Variants in CAMTA1 observed in about 807,000 individuals in gnomAD.
CAMTA1 encodes the protein calmodulin binding transcription activator 1, also known as calmodulin-binding transcription activator 1.
A neutral mutation model predicts 170.9 loss-of-function variants in CAMTA1; 27 were observed. The ratio of observed to expected loss-of-function variants is 0.16; its 90% CI spans 0.12 to 0.22. The LOEUF is 0.22. Among genes scored for constraint, CAMTA1 ranks in the 10% least tolerant of loss-of-function variants. CAMTA1 has a pLI of 1.00. For synonymous variants in CAMTA1, 833 were observed against 891.5 expected (o/e 0.93, Z 1.17); for missense variants, 1,619 against 2,217.2 (o/e 0.73, Z 5.42).
rs1399642872 is a variant in CAMTA1 at position 7,325,023 on chromosome 1, T to C, written c.438+75397T>C. Among the ~76,000 whole-genome samples, 1 of 152,224 alleles carries C rather than the reference T, an allele frequency of 6.6e-6. No homozygotes were observed. Among genetic ancestry groups the C allele is most frequent in the East Asian group, 1.9e-4 (1 of 5,206 alleles). On this transcript the variant is annotated intron_variant, in intron 5 of 22. Transcript: ENST00000303635. The surrounding 1 kb of genome is among the most constrained non-coding windows in gnomAD (Gnocchi z 5.0). ...TGTGAAGACGTTGATTATATCTTGA[T>C]TTTCTATACCCCTCCAAAATAGACA...
At chr1:7,246,257 T>C (rs1665752533) in intron 4 of CAMTA1, among the ~76,000 whole-genome samples, 1 of 152,222 alleles carries the variant, frequency 6.6e-6, no homozygotes, top group Admixed American at 6.5e-5. Flanking sequence ...ATGATAATAA[T>C]ACCTACCTCA....
intron 6 of CAMTA1, among the ~76,000 whole-genome samples, chr1:7,552,468 C>T (rs2094816114): frequency 6.6e-6 from 1 of 152,222 alleles, no homozygotes. Context: ...TGTGAAACAG[C>T]ATTCAGCAGA....
intron 3 of CAMTA1, among the ~76,000 whole-genome samples, chr1:6,858,884 C>G (rs1339136912): frequency 6.6e-6 from 1 of 152,160 alleles, no homozygotes; most frequent in Non-Finnish European, 1.5e-5. Context: ...ACCATTCAGT[C>G]ATAACTGGAA....
chr1:7,403,587 A>G (rs2090071730), intron 5 of CAMTA1, among the ~76,000 whole-genome samples: 1 of 152,114 alleles, frequency 6.6e-6, no homozygotes, highest in Non-Finnish European at 1.5e-5. Flanking sequence ...AGGCACAGGG[A>G]CAACCTGAGT....
At chr1:7,275,136 G>A (rs1201930515) in intron 5 of CAMTA1, among the ~76,000 whole-genome samples, 6 of 89,398 alleles carry the variant, frequency 6.7e-5, no homozygotes, top group African/African-American at 2.9e-4. Flanking sequence ...GACAGAGTGA[G>A]ATTCCATCTC....
At chr1:6,886,981 A>C (rs972398718) in intron 3 of CAMTA1, among the ~76,000 whole-genome samples, 1 of 152,198 alleles carries the variant, frequency 6.6e-6, no homozygotes, top group African/African-American at 2.4e-5. Flanking sequence ...CTTCTAATCT[A>C]TGAAACTGGC....
rs1214926298 is a variant in CAMTA1 at position 7,463,326 on chromosome 1, G to C, written c.439-4504G>C. ...GACACAGAGACAGGGACAGGCAAGG[G>C]AAACAGAGACAGGGAGAGACAGAGA... On this transcript the variant is annotated intron_variant, in intron 5 of 22. Coordinates refer to ENST00000303635, the MANE Select transcript of CAMTA1 (RefSeq NM_015215.4). The surrounding 1 kb of genome is among the most constrained non-coding windows in gnomAD (Gnocchi z 4.7). Among the ~76,000 whole-genome samples the C allele has an allele frequency of 6.6e-6, 1 of 152,180 alleles. No homozygotes were observed. Among genetic ancestry groups the C allele is most frequent in the African/African-American group, 2.4e-5 (1 of 41,418 alleles).
Position 7,195,355 on chromosome 1 carries a change from T to C in CAMTA1, c.303-54136T>C, listed in dbSNP as rs1262928460. 6.6e-6 allele frequency among the ~76,000 whole-genome samples: 1 copy of C among 152,200 alleles called. No individual in the cohort carries two copies. The highest frequency in any genetic ancestry group is 1.9e-4 in the East Asian group (1 of 5,186). ...CAGATTTTCGGAGTCCAAGTGTTGC[T>C]ATACACATTCTCTGCTTGTCTTGGC... On this transcript the variant is annotated intron_variant, in intron 4 of 22. Transcript: ENST00000303635. This position sits in a 1 kb window ranked among gnomAD's most constrained non-coding sequence, Gnocchi z 4.1.
At chr1:7,298,573 G>A (rs1335731335) in intron 5 of CAMTA1, among the ~76,000 whole-genome samples, 2 of 152,168 alleles carry the variant, frequency 1.3e-5, no homozygotes, top group South Asian at 4.2e-4. Context: ...TTGCTACAGG[G>A]GAAATTCTAG....
intron 3 of CAMTA1, among the ~76,000 whole-genome samples, chr1:6,836,672 T>G (rs1490333408): frequency 6.6e-6 from 1 of 152,166 alleles, no homozygotes; most frequent in African/African-American, 2.4e-5. Flanking sequence ...CGAGGTGGAT[T>G]CTGAGGCAAG....
At chr1:7,262,756 C>T (rs867406876) in intron 5 of CAMTA1, among the ~76,000 whole-genome samples, 1 of 152,152 alleles carries the variant, frequency 6.6e-6, no homozygotes, top group South Asian at 2.1e-4. Flanking sequence ...CAGGTTGCTT[C>T]TGTCACACCA....
chr1:7,091,980 G>A (rs1016262203), intron 4 of CAMTA1, among the ~76,000 whole-genome samples: 2 of 152,204 alleles, frequency 1.3e-5, no homozygotes, highest in Admixed American at 6.5e-5. Context: ...TCTTGTGAAC[G>A]GTGATGTTGG....
At chr1:7,310,931 A>C in intron 5 of CAMTA1, among the ~76,000 whole-genome samples, 1 of 151,922 alleles carries the variant, frequency 6.6e-6, no homozygotes. Flanking sequence ...GGGTTTTGCC[A>C]TGTTGGCCAG....
rs1009614146 is a variant in CAMTA1 at position 7,483,010 on chromosome 1, C to G, written c.510+15109C>G. Among the ~76,000 whole-genome samples the G allele has an allele frequency of 9.8e-5, 15 of 152,288 alleles. No homozygotes were observed. In the South Asian group the frequency reaches 1.2e-3, roughly 13 times the overall value. ...CAGCCAACTGGGGCCACCTCTACAGCCTGAGAGGGCTGCAGAACTCCAGAC... is the reference window on the plus strand; with the variant it reads ...CAGCCAACTGGGGCCACCTCTACAGGCTGAGAGGGCTGCAGAACTCCAGAC... On this transcript the variant is annotated intron_variant, in intron 6 of 22. Transcript: ENST00000303635.
At chr1:7,648,056 G>A (rs1253834051) in intron 7 of CAMTA1, among the ~76,000 whole-genome samples, 1 of 152,146 alleles carries the variant, frequency 6.6e-6, no homozygotes, top group Non-Finnish European at 1.5e-5. Context: ...CTGCACTCCA[G>A]CCTGGGTGAC....
intron 6 of CAMTA1, among the ~76,000 whole-genome samples, chr1:7,614,522 A>G (rs1486841112): frequency 2.6e-5 from 4 of 152,124 alleles, no homozygotes; most frequent in East Asian, 3.9e-4. Flanking sequence ...TCCCAGATAT[A>G]TGACAGTGAC....
chr1:6,949,251 T>TC (rs1688054297), intron 3 of CAMTA1, among the ~76,000 whole-genome samples: 1 of 152,142 alleles, frequency 6.6e-6, no homozygotes, highest in African/African-American at 2.4e-5. Context: ...GTTGTGAGGG[T>TC]CCTCGAACTG....
intron 5 of CAMTA1, among the ~76,000 whole-genome samples, chr1:7,453,417 C>T (rs1431284652): frequency 6.6e-6 from 1 of 152,208 alleles, no homozygotes; most frequent in South Asian, 2.1e-4. Context: ...TCCTGGACCC[C>T]AAATCTAGGA....
Position 7,138,565 on chromosome 1 carries a change from C to T in CAMTA1, c.302+47194C>T, listed in dbSNP as rs374489325. 1.8e-4 allele frequency among the ~76,000 whole-genome samples: 28 copies of T among 152,328 alleles called. 1 individual carries two copies. The South Asian group carries it at 5.0e-3, about 27-fold the overall frequency. On this transcript the variant is annotated intron_variant, in intron 4 of 22. Transcript: ENST00000303635. ...TTCCATGTTTTCTCCCATCCCGCCT[C>T]CCACAGGCATACACGTCTTTTGATG...
Sources: allele counts gnomAD v4.1 joint callset (sites outside exome capture counted in the v4.1 genomes callset), GRCh38; gene constraint gnomAD v4.1.1; non-coding constraint Gnocchi (gnomAD v3.1); transcripts MANE v1.5; gene names NCBI Gene and HGNC (gene_info 2026-07-23, HGNC 2026-07-21).